Variants in CTDP1 observed in about 807,000 individuals in gnomAD.
The protein encoded by CTDP1 is RNA polymerase II subunit A C-terminal domain phosphatase.
In CTDP1, 47 loss-of-function variants were observed where a neutral mutation model predicts 91.8. That is an observed-to-expected ratio of 0.51 (90% confidence interval 0.41 to 0.65). CTDP1 has a LOEUF of 0.65. Ranked by LOEUF, CTDP1 falls within the 30% of genes least tolerant of loss-of-function variation. The pLI, the probability that CTDP1 is intolerant of heterozygous loss-of-function variation, is 0.00. For synonymous variants in CTDP1, 656 were observed against 598.5 expected, an observed-to-expected ratio of 1.10 and a Z score of -1.40; for missense variants, 1,272 against 1,373.7, an observed-to-expected ratio of 0.93 and a Z score of 1.17.
In CTDP1 at chr18:79,724,902, C is replaced by T. The variant is rs550438056; in HGVS notation, c.2418-4005C>T. Among the ~76,000 whole-genome samples the T allele has an allele frequency of 1.2e-4, 19 of 152,272 alleles. No homozygotes were observed. The East Asian group carries it at 2.9e-3, about 23-fold the overall frequency. On this transcript the variant is annotated intron_variant, in intron 10 of 12. Transcript: ENST00000613122. ...GTCCTCCCTCCATGGCTGCTTCTGC[C>T]GCAGCGTCTCGAGGGCACTCAGGTG...
At chr18:79,678,927 C>T, upstream of CTDP1, 1 of 179,264 alleles carries the variant, frequency 5.6e-6, no homozygotes, top group Non-Finnish European at 1.2e-5. Context: ...GATCCGCCCG[C>T]CACAGCCTCC....
Position 79,713,273 on chromosome 18 carries a change from T to C in CTDP1, c.1030+135T>C. 1.0e-6 allele frequency: 1 copy of C among 999,624 alleles called. No individual in the cohort carries two copies. The highest frequency in any genetic ancestry group is 1.5e-5 in the South Asian group (1 of 66,006). 61.9% of individuals were successfully genotyped at this position (999,624 alleles called of 1,614,324 possible). A position where few individuals can be genotyped will look rare whatever the true frequency, so the allele number is the denominator to read the frequency against. ...TTTATTTGTGTTTCAGTAGAGATTA[T>C]TGGATTTATTTATAGAGTACTGAAA... On this transcript the variant is annotated intron_variant, in intron 7 of 12. Transcript: ENST00000613122. This position sits in a 1 kb window ranked among gnomAD's most constrained non-coding sequence, Gnocchi z 4.7.
intron 11 of CTDP1, among the ~76,000 whole-genome samples, chr18:79,734,184 CTG>C (rs756234951): frequency 3.3e-5 from 5 of 152,200 alleles, no homozygotes; most frequent in Admixed American, 6.5e-5. Flanking sequence ...GGGGTAATGT[CTG>C]AGCGTGGAAG....
intron 4 of CTDP1, among the ~76,000 whole-genome samples, chr18:79,698,335 C>G (rs2085788656): frequency 6.6e-6 from 1 of 152,094 alleles, no homozygotes; most frequent in Admixed American, 6.5e-5. Flanking sequence ...GAGGGGCAGT[C>G]TTGGTGGGGA....
chr18:79,736,195 T>A, intron 11 of CTDP1, 160 bp from the exon 12 acceptor site: 1 of 873,782 alleles, frequency 1.1e-6, no homozygotes. Flanking sequence ...TGTTAAGGAT[T>A]GGTTGAGTTT....
At chr18:79,718,685 G>A (rs2086271249) in intron 10 of CTDP1, among the ~76,000 whole-genome samples, 1 of 152,170 alleles carries the variant, frequency 6.6e-6, no homozygotes, top group East Asian at 1.9e-4. Context: ...GTAAATGGCT[G>A]TGGGACATTG....
At chr18:79,724,873 C>T (rs1599275838) in intron 10 of CTDP1, among the ~76,000 whole-genome samples, 2 of 152,310 alleles carry the variant, frequency 1.3e-5, no homozygotes, top group African/African-American at 2.4e-5. Flanking sequence ...TTGTCGCCGG[C>T]GCCGTCCTCC....
intron 3 of CTDP1, among the ~76,000 whole-genome samples, chr18:79,696,932 T>C (rs1318350135): frequency 3.3e-5 from 5 of 152,158 alleles, no homozygotes; most frequent in Non-Finnish European, 7.3e-5. Context: ...GGCTGCACAG[T>C]TTTGTAAATA....
chr18:79,705,845 C>A (rs2085957191), intron 5 of CTDP1, among the ~76,000 whole-genome samples: 1 of 152,188 alleles, frequency 6.6e-6, no homozygotes, highest in African/African-American at 2.4e-5. Context: ...GTGATCATGA[C>A]CTTTAATTCC....
chr18:79,676,951 C>T (rs1036079596), upstream of CTDP1, among the ~76,000 whole-genome samples: 20 of 152,238 alleles, frequency 1.3e-4, no homozygotes, highest in African/African-American at 4.6e-4. Flanking sequence ...GACTACATGG[C>T]ATCTATCCAG....
chr18:79,711,669 TA>T (rs527731061), intron 6 of CTDP1, among the ~76,000 whole-genome samples: 356 of 152,326 alleles, frequency 2.3e-3, no homozygotes, highest in Non-Finnish European at 4.1e-3. Context: ...ACTAATAATT[TA>T]CAAAATCCTA....
intron 1 of CTDP1, among the ~76,000 whole-genome samples, chr18:79,682,772 G>A (rs1039838744): frequency 5.9e-5 from 9 of 152,152 alleles, no homozygotes; most frequent in African/African-American, 1.2e-4. Flanking sequence ...CCCGTCCCCC[G>A]TGAGAATGAG....
intron 5 of CTDP1, among the ~76,000 whole-genome samples, chr18:79,708,326 T>G (rs2086009535): frequency 6.6e-6 from 1 of 152,240 alleles, no homozygotes; most frequent in Non-Finnish European, 1.5e-5. Context: ...AAACAGCAAA[T>G]GTGTTTCTCG....
intron 1 of CTDP1, among the ~76,000 whole-genome samples, chr18:79,690,812 G>A (rs1253245634): frequency 6.6e-6 from 1 of 152,180 alleles, no homozygotes; most frequent in Non-Finnish European, 1.5e-5. Flanking sequence ...CCTGGGGTGG[G>A]GGGTGGAGCA....
At chr18:79,750,144 T>C (rs1349522035) in intron 12 of CTDP1, 2 of 150,812 alleles carry the variant, frequency 1.3e-5, no homozygotes, top group African/African-American at 4.9e-5. Flanking sequence ...GCAGACGAGG[T>C]GTGCAGAGGG....
intron 3 of CTDP1, among the ~76,000 whole-genome samples, chr18:79,696,271 C>G (rs768701571): frequency 2.6e-5 from 4 of 152,068 alleles, no homozygotes; most frequent in Non-Finnish European, 5.9e-5. Flanking sequence ...ACAGACAAGT[C>G]TGCCTGCAAA....
chr18:79,727,025 T>G, intron 10 of CTDP1, among the ~76,000 whole-genome samples: 1 of 148,898 alleles, frequency 6.7e-6, no homozygotes, highest in Admixed American at 6.7e-5. Flanking sequence ...GGTATGGGGG[T>G]GACGCCCTTG....
rs1360767913 is a variant in CTDP1, at chr18:79,753,949, G to A, written c.*159G>A. On this transcript the variant is annotated 3_prime_UTR_variant, in exon 13 of 13. Transcript: ENST00000613122. ...GAAACACATTATTTTGCAGAAATAG[G>A]TGTTTTTAAGAAGTTTTACTACAGG... 4 of 1,039,026 alleles carry A rather than the reference G, an allele frequency of 3.8e-6. No homozygotes were observed. Among genetic ancestry groups the A allele is most frequent in the East Asian group, 5.3e-5 (2 of 38,086 alleles). 64.4% of individuals were successfully genotyped at this position (1,039,026 alleles called of 1,614,324 possible). A position where few individuals can be genotyped will look rare whatever the true frequency, so the allele number is the denominator to read the frequency against.
upstream of CTDP1, chr18:79,678,990 G>A (rs146823962): frequency 5.3e-3 from 1,200 of 225,832 alleles, 5 homozygotes; most frequent in Non-Finnish European, 7.7e-3. Context: ...CCGCCCGCCC[G>A]CCAGCTTAAT....
Sources: gnomAD v4.1 joint callset for allele counts (sites outside exome capture counted in the v4.1 genomes callset) on GRCh38, gnomAD v4.1.1 for gene constraint, Gnocchi (gnomAD v3.1) non-coding constraint, MANE v1.5 for transcripts, NCBI Gene and HGNC (gene_info 2026-07-23, HGNC 2026-07-21) for gene names.